The following SPAG16 variants were observed in gnomAD, a reference collection of about 807,000 sequenced individuals.
The protein encoded by SPAG16 is sperm associated antigen 16.
In SPAG16, 86 loss-of-function variants were observed where a neutral mutation model predicts 80.4. The observed-to-expected ratio is 1.07, with a 90% CI of 0.90 to 1.28. The LOEUF (loss-of-function observed/expected upper bound fraction) is 1.28. Ranked by LOEUF, SPAG16 falls within the 50% of genes most tolerant of loss-of-function variation. The pLI is 0.00. For synonymous variants in SPAG16, 294 were observed against 265.9 expected, an observed-to-expected ratio of 1.11 and a Z score of -1.03; for missense variants, 870 against 765.3, an observed-to-expected ratio of 1.14 and a Z score of -1.61.
At chr2:213,381,184 A>G (rs2067154457) in intron 9 of SPAG16, among the ~76,000 whole-genome samples, 1 of 152,194 alleles carries the variant, frequency 6.6e-6, no homozygotes, top group Admixed American at 6.5e-5. Flanking sequence ...AGGAAAGGGC[A>G]TTTATTCAGA....
At chr2:214,154,608 T>A (rs1281335489) in intron 15 of SPAG16, among the ~76,000 whole-genome samples, 1 of 151,630 alleles carries the variant, frequency 6.6e-6, no homozygotes, top group Non-Finnish European at 1.5e-5. Flanking sequence ...ATTTTTTATT[T>A]AATAGGAAAT....
intron 10 of SPAG16, among the ~76,000 whole-genome samples, chr2:213,772,682 C>T (rs1033919887): frequency 2.0e-5 from 3 of 152,052 alleles, no homozygotes; most frequent in African/African-American, 7.2e-5. Flanking sequence ...TAGATTAATT[C>T]TCCTAAATTT....
rs2078092299 is a variant in SPAG16, at chr2:213,918,995, G to C, written c.1215-10965G>C. Among the ~76,000 whole-genome samples the C allele has an allele frequency of 2.6e-5, 4 of 152,042 alleles. No individual in the cohort carries two copies. In the South Asian group the frequency reaches 8.3e-4, roughly 32 times the overall value. On this transcript the variant is annotated intron_variant, in intron 11 of 15. Coordinates refer to ENST00000331683, the MANE Select transcript of SPAG16 (RefSeq NM_024532.5). Reference sequence around the variant, plus strand: ...GTGGTAATGTCAGGATCAGTGTAATGCCCTTTGTAATTTCTAATTGTTTTT... The same window carrying C: ...GTGGTAATGTCAGGATCAGTGTAATCCCCTTTGTAATTTCTAATTGTTTTT...
At chr2:213,704,418 C>T (rs901980172) in intron 10 of SPAG16, among the ~76,000 whole-genome samples, 10 of 152,084 alleles carry the variant, frequency 6.6e-5, no homozygotes, top group Non-Finnish European at 1.2e-4. Flanking sequence ...TAATGATAGG[C>T]TGAGTGGGAA....
chr2:214,268,549 T>A (rs1347221858), intron 15 of SPAG16, among the ~76,000 whole-genome samples: 1 of 151,900 alleles, frequency 6.6e-6, no homozygotes, highest in African/African-American at 2.4e-5. Flanking sequence ...CTAATGGCAT[T>A]TTAGTGGAAA....
At chr2:214,355,337 AC>A (rs1255398926) in intron 15 of SPAG16, among the ~76,000 whole-genome samples, 22 of 100,954 alleles carry the variant, frequency 2.2e-4, no homozygotes, top group Middle Eastern at 4.5e-3. Context: ...AAAAAAAAAA[AC>A]AACCCCATCA....
intron 11 of SPAG16, among the ~76,000 whole-genome samples, chr2:213,870,246 T>G (rs2075894599): frequency 6.6e-6 from 1 of 152,166 alleles, no homozygotes; most frequent in African/African-American, 2.4e-5. Context: ...AAGACATAGC[T>G]TTATAATGGC....
At chr2:213,601,387 TCTGAGCC>T (rs1438183581) in intron 10 of SPAG16, among the ~76,000 whole-genome samples, 1 of 152,184 alleles carries the variant, frequency 6.6e-6, no homozygotes, top group Non-Finnish European at 1.5e-5. Flanking sequence ...AGTATCAGTT[TCTGAGCC>T]CTAACATTGT....
At chr2:213,729,121 A>AG (rs1397504966) in intron 10 of SPAG16, among the ~76,000 whole-genome samples, 2 of 152,280 alleles carry the variant, frequency 1.3e-5, no homozygotes, top group Admixed American at 1.3e-4. Flanking sequence ...AACATTTATT[A>AG]GGCTTGAGGA....
At chr2:213,786,527 T>A (rs943619047) in intron 10 of SPAG16, among the ~76,000 whole-genome samples, 8 of 152,212 alleles carry the variant, frequency 5.3e-5, no homozygotes, top group Non-Finnish European at 7.4e-5. Flanking sequence ...AACTTATAAT[T>A]ATTTGCTATC....
chr2:213,711,166 T>G (rs531619284), intron 10 of SPAG16, among the ~76,000 whole-genome samples: 1 of 152,274 alleles, frequency 6.6e-6, no homozygotes, highest in East Asian at 1.9e-4. Flanking sequence ...GGTCCAGTCA[T>G]CCAACTTATT....
chr2:214,120,767 C>T (rs1248118273), intron 14 of SPAG16, among the ~76,000 whole-genome samples: 1 of 151,854 alleles, frequency 6.6e-6, no homozygotes, highest in African/African-American at 2.4e-5. Flanking sequence ...AATCTTAAAT[C>T]CTGTTATCTA....
At chr2:213,851,499 C>T (rs956080555) in intron 10 of SPAG16, among the ~76,000 whole-genome samples, 2 of 152,148 alleles carry the variant, frequency 1.3e-5, no homozygotes, top group African/African-American at 4.8e-5. Context: ...CAGAGCGAGA[C>T]TCCCTCTTAA....
intron 15 of SPAG16, among the ~76,000 whole-genome samples, chr2:214,319,661 T>C (rs1266958311): frequency 4.6e-5 from 7 of 152,156 alleles, no homozygotes; most frequent in Non-Finnish European, 1.0e-4. Flanking sequence ...AGTGGTTTTG[T>C]TTTCCTGACC....
intron 13 of SPAG16, among the ~76,000 whole-genome samples, 165 bp from the exon 14 acceptor site, chr2:214,108,031 T>C (rs138665924): frequency 8.5e-4 from 129 of 152,290 alleles, no homozygotes; most frequent in African/African-American, 2.8e-3. Context: ...GTCTGTACTA[T>C]TCTGAATAGT....
chr2:214,302,485 G>GT (rs1187620473), intron 15 of SPAG16, among the ~76,000 whole-genome samples: 17 of 152,052 alleles, frequency 1.1e-4, no homozygotes, highest in South Asian at 4.2e-4. Flanking sequence ...GAATACTTCA[G>GT]TTTTTTTGTT....
At chr2:213,407,943 A>C (rs181549849) in intron 9 of SPAG16, among the ~76,000 whole-genome samples, 4,317 of 133,570 alleles carry the variant, frequency 0.032, 424 homozygotes, top group African/African-American at 0.13. Context: ...AGAGAGGCAG[A>C]GAGAGACAGG....
rs1185097548 is a variant in SPAG16, at chr2:213,813,561, C to A, written c.1071-48924C>A. Among the ~76,000 whole-genome samples, 3 of 152,088 alleles carry A rather than the reference C, an allele frequency of 2.0e-5. No individual in the cohort carries two copies. The South Asian group carries it at 6.2e-4, about 32-fold the overall frequency. The stretch of plus-strand genomic sequence containing the variant: ...GAGGAGGACAGGAAGCACTCCTGTG[C>A]CCTGGTCCAGGGGAAAGGTCTGCTG... On this transcript the variant is annotated intron_variant, in intron 10 of 15. Coordinates refer to ENST00000331683, the MANE Select transcript of SPAG16 (RefSeq NM_024532.5).
Position 214,405,439 on chromosome 2 carries a change from G to A in SPAG16, c.1721-4701G>A, listed in dbSNP as rs184154611. On this transcript the variant is annotated intron_variant, in intron 15 of 15. Transcript: ENST00000331683. ...CAGTTGGCCCTAAATCTTAATTTAT[G>A]AAAGAAATTCTAAAGCCAGTAAATG... Among the ~76,000 whole-genome samples, 298 of 152,290 alleles carry A rather than the reference G, an allele frequency of 2.0e-3. 7 individuals are homozygous for A. Among genetic ancestry groups the A allele is most frequent in the Non-Finnish European group, 2.6e-4 (18 of 68,020 alleles).
Sources: gnomAD v4.1 joint callset for allele counts (sites outside exome capture counted in the v4.1 genomes callset) on GRCh38, gnomAD v4.1.1 for gene constraint, MANE v1.5 for transcripts, NCBI Gene and HGNC (gene_info 2026-07-23, HGNC 2026-07-21) for gene names.